The following PLCH2 variants were observed in gnomAD, a reference collection of about 807,000 sequenced individuals.
PLCH2 encodes the protein 1-phosphatidylinositol 4,5-bisphosphate phosphodiesterase eta-2.
PLCH2 carries 98 observed loss-of-function variants against 134.7 expected under a neutral mutation model. The ratio of observed to expected loss-of-function variants is 0.73; its 90% CI spans 0.62 to 0.86. The LOEUF (loss-of-function observed/expected upper bound fraction) is 0.86, where lower values mean the gene tolerates loss of function less well. Among genes scored for constraint, PLCH2 ranks in the 40% least tolerant of loss-of-function variants. PLCH2 has a pLI of 0.00. For missense variants in PLCH2, 1,994 were observed against 1,986.6 expected (o/e 1.00, Z -0.07); for synonymous variants, 974 against 827.5 (o/e 1.18, Z -3.04).
At chr1:2,421,101 C>T (rs111685018), upstream of PLCH2, among the ~76,000 whole-genome samples, 3,330 of 152,210 alleles carry the variant, frequency 0.022, 125 homozygotes, top group African/African-American at 0.076. Context: ...TGCGCCACCA[C>T]GCCTGGCTAA....
At position 2,439,103 on chromosome 1, in the gene PLCH2, T is replaced by G. The variant is rs924370912; in HGVS notation, c.115+8474T>G. Among the ~76,000 whole-genome samples, 2 of 152,214 alleles carry G rather than the reference T, an allele frequency of 1.3e-5. No individual in the cohort carries two copies. The highest frequency in any genetic ancestry group is 2.9e-5 in the Non-Finnish European group (2 of 68,030). On this transcript the variant is annotated intron_variant, in intron 2 of 3. Transcript: ENST00000609981. This position sits in a 1 kb window ranked among gnomAD's most constrained non-coding sequence, Gnocchi z 4.7. ...AATATCTCCCTTGCCAATGAGAAAC[T>G]GTTTCAAGGCAGGATACCATGTCTC...
chr1:2,462,871 G>A (rs568601727), upstream of PLCH2, among the ~76,000 whole-genome samples: 1 of 152,316 alleles, frequency 6.6e-6, no homozygotes, highest in South Asian at 2.1e-4. Flanking sequence ...GGGGTGGTGG[G>A]GGTGGATCTG....
chr1:2,419,440 C>T, the PLCH2 span, among the ~76,000 whole-genome samples: 3 of 152,082 alleles, frequency 2.0e-5, no homozygotes, highest in Non-Finnish European at 1.5e-5. Context: ...GGCGCCTGTG[C>T]GGAGCTGGTC....
At position 2,479,927 on chromosome 1, in the gene PLCH2, C is replaced by T. The variant is rs760192932; in HGVS notation, c.465C>T (p.Ala155=). The T allele has an allele frequency of 3.0e-5, 49 of 1,609,828 alleles. No homozygotes were observed. The highest frequency in any genetic ancestry group is 6.7e-5 in the African/African-American group (5 of 74,894). The change falls in exon 3 of 22, where the codon GCC becomes GCT. Residue 155 remains alanine, a synonymous_variant. Coordinates refer to ENST00000378486, the MANE Select transcript of PLCH2 (RefSeq NM_014638.4). ...TWVTGLRYLM[A]GISDEDSLAR... Reference sequence around the variant, plus strand: ...TCACTGGCCTGCGCTACCTCATGGCCGGCATCAGCGACGAGGACAGCCTGG... The same window carrying T: ...TCACTGGCCTGCGCTACCTCATGGCTGGCATCAGCGACGAGGACAGCCTGG...
chr1:2,497,732 C>A lies in PLCH2; in HGVS notation c.2224+123C>A, dbSNP rs142531410. On this transcript the variant is annotated intron_variant, in intron 16 of 21. Coordinates refer to ENST00000378486, the MANE Select transcript of PLCH2 (RefSeq NM_014638.4). The stretch of plus-strand genomic sequence containing the variant: ...GGGGTGGGGGCGGCTTTGGCAGAGT[C>A]CCCTGGAGGGTCAGGTTGGGACGAA... 115 of 667,198 alleles carry A rather than the reference C, an allele frequency of 1.7e-4. No homozygotes were observed. In the African/African-American group the frequency reaches 1.8e-3, roughly 10 times the overall value. The allele number at this position is 667,198 out of a possible 1,614,324, so 41.3% of individuals were successfully genotyped here.
chr1:2,504,327 C>A lies in PLCH2; in HGVS notation c.3365C>A (p.Ser1122Tyr), dbSNP rs775746279. Reference protein sequence around the residue: ...AAPFPAPAVYSDATGSDPLWQ... With the variant: ...AAPFPAPAVYYDATGSDPLWQ... ...CCCTTTCCAGCTCCTGCCGTGTACT[C>A]CGATGCCACGGGCAGTGACCCGCTG... Residue 1122 changes from serine to tyrosine, a missense_variant, in exon 22 of 22, where the codon TCC (serine) becomes TAC (tyrosine). Coordinates refer to ENST00000378486, the MANE Select transcript of PLCH2 (RefSeq NM_014638.4). 5.0e-6 allele frequency: 8 copies of A among 1,609,852 alleles called. No individual in the cohort carries two copies. The highest frequency in any genetic ancestry group is 6.8e-6 in the Non-Finnish European group (8 of 1,179,028).
At chr1:2,491,397 G>A in intron 11 of PLCH2, 62 bp downstream of exon 11, 5 of 1,559,498 alleles carry the variant, frequency 3.2e-6, no homozygotes, top group Non-Finnish European at 4.4e-6. Context: ...CAGCCTGTGG[G>A]CCAGCCAGGG....
In PLCH2 at chr1:2,491,326, C is replaced by G. The variant is rs750801622; in HGVS notation, c.1650C>G (p.Leu550=). 6.2e-7 allele frequency: 1 copy of G among 1,612,758 alleles called. No individual in the cohort carries two copies. The highest frequency in any genetic ancestry group is 2.2e-5 in the East Asian group (1 of 44,878). The part of the protein sequence containing the change: ...SVSTLSPSGK[L]GRKSKAEEDV... ...CCACACTGTCCCCATCTGGAAAGCT[C>G]GGACGCAAGGTAGAGGCCAAAAAGG... Residue 550 remains leucine (L), a synonymous_variant, in exon 11 of 22, where the codon CTC becomes CTG. Transcript: ENST00000378486.
chr1:2,444,047 G>A lies in PLCH2; in HGVS notation c.115+13418G>A, dbSNP rs564504535. On this transcript the variant is annotated intron_variant, in intron 2 of 3. Coordinates refer to the PLCH2 transcript ENST00000609981. The surrounding 1 kb of genome is among the most constrained non-coding windows in gnomAD (Gnocchi z 4.6). ...GGACGCGCGGGGGCGCCGCAGCCCT[G>A]GTGCGGGTCGGGGCTGAGCCGCCTG... Among the ~76,000 whole-genome samples the A allele has an allele frequency of 1.4e-4, 21 of 152,294 alleles. No individual in the cohort carries two copies. Among genetic ancestry groups the A allele is most frequent in the African/African-American group, 4.8e-4 (20 of 41,574 alleles).
chr1:2,481,054 A>C (rs1641942642), intron 4 of PLCH2, among the ~76,000 whole-genome samples: 1 of 152,166 alleles, frequency 6.6e-6, no homozygotes, highest in African/African-American at 2.4e-5. Flanking sequence ...AAATACACGC[A>C]CACACGTGCA....
Position 2,505,371 on chromosome 1 carries a change from G to T in PLCH2, c.*158G>T, listed in dbSNP as rs1643487379. The stretch of plus-strand genomic sequence containing the variant: ...CCTCCCTCCTGCCCCTGCTCCCGGG[G>T]AGGAAAGGCTAAAGCTGCTGGCCCG... On this transcript the variant is annotated 3_prime_UTR_variant, in exon 22 of 22. Transcript: ENST00000378486. 1.6e-6 allele frequency: 1 copy of T among 616,252 alleles called. No individual in the cohort carries two copies. The highest frequency in any genetic ancestry group is 2.8e-6 in the Non-Finnish European group (1 of 361,036). 38.2% of individuals were successfully genotyped at this position (616,252 alleles called of 1,614,324 possible).
At chr1:2,490,742 G>A (rs1291313498) in intron 10 of PLCH2, among the ~76,000 whole-genome samples, 3 of 152,206 alleles carry the variant, frequency 2.0e-5, no homozygotes, top group South Asian at 2.1e-4. Flanking sequence ...CTGGCACCAG[G>A]GGCGTCTGAC....
rs760323594 is a variant in PLCH2 at position 2,484,474 on chromosome 1, G to T, written c.672G>T (p.Gly224=). The change falls in exon 5 of 22, where the codon GGG becomes GGT. Residue 224 remains glycine (G), a synonymous_variant. Coordinates refer to ENST00000378486, the MANE Select transcript of PLCH2 (RefSeq NM_014638.4). ...AAGCGGACACGGATGACCACCAAGG[G>T]ACGCTGGGTTTTGAAGAGTTCTGTG... ...FREADTDDHQ[G]TLGFEEFCAF... is the part of the protein sequence containing the mutation. 5.0e-6 allele frequency: 8 copies of T among 1,613,166 alleles called. No homozygotes were observed. The highest frequency in any genetic ancestry group is 1.6e-4 in the Middle Eastern group (1 of 6,082).
chr1:2,466,288 G>A (rs544447052), upstream of PLCH2, among the ~76,000 whole-genome samples: 11 of 152,312 alleles, frequency 7.2e-5, no homozygotes, highest in East Asian at 1.2e-3. Context: ...CGAATGGGTC[G>A]TGAGAGAGAC....
intron 2 of PLCH2, among the ~76,000 whole-genome samples, chr1:2,434,446 T>A (rs4648841): frequency 0.5 from 75,748 of 152,180 alleles, 20,111 homozygotes; most frequent in East Asian, 0.83. Flanking sequence ...ATCTGTCTCC[T>A]CAGCTGTATC....
At position 2,504,625 on chromosome 1, in the gene PLCH2, C is replaced by A. The variant is rs751204660; in HGVS notation, c.3663C>A (p.Pro1221=). The change falls in exon 22 of 22, where the codon CCC becomes CCA. Residue 1221 remains proline, a synonymous_variant. Coordinates refer to ENST00000378486, the MANE Select transcript of PLCH2 (RefSeq NM_014638.4). ...QRPPIPDELQ[P]RSLAPRMAGL... ...CTCCCATACCTGACGAACTGCAGCC[C>A]AGGTCCCTGGCCCCAAGGATGGCTG... 3.7e-6 allele frequency: 6 copies of A among 1,612,620 alleles called. No homozygotes were observed. Among genetic ancestry groups the A allele is most frequent in the Non-Finnish European group, 5.1e-6 (6 of 1,179,826 alleles).
intron 3 of PLCH2, 82 bp downstream of exon 3, chr1:2,480,059 C>G: frequency 6.3e-7 from 1 of 1,579,082 alleles, no homozygotes; most frequent in Non-Finnish European, 8.6e-7. Context: ...TGTCCTTTGC[C>G]GGGTCACACA....
At position 2,499,345 on chromosome 1, in the gene PLCH2, AGAGACAG is replaced by A. The variant is rs1643082874; in HGVS notation, c.2581+119_2581+125del. The A allele has an allele frequency of 4.8e-6, 6 of 1,258,264 alleles. No individual in the cohort carries two copies. The East Asian group carries it at 1.5e-4, about 32-fold the overall frequency. The allele number at this position is 1,258,264 out of a possible 1,614,324, so 77.9% of individuals were successfully genotyped here. Reference sequence around the variant, plus strand: ...TAGGTGGGCCTGCACCTGGCACCAAAGAGACAGGAGCTGAGGACGGGAGGAGAGCCAG... The same window carrying A: ...TAGGTGGGCCTGCACCTGGCACCAAAGAGCTGAGGACGGGAGGAGAGCCAG... On this transcript the variant is annotated intron_variant, in intron 19 of 21. Transcript: ENST00000378486.
chr1:2,476,495 C>A lies in PLCH2; in HGVS notation c.-94C>A. ...AGAGGAGAGAAGGCCCCACGGAGGTCCTGTCGCCAGCGCTGCCACTGCCTG... is the reference window on the plus strand; with the variant it reads ...AGAGGAGAGAAGGCCCCACGGAGGTACTGTCGCCAGCGCTGCCACTGCCTG... On this transcript the variant is annotated 5_prime_UTR_variant, in exon 1 of 22. Coordinates refer to ENST00000378486, the MANE Select transcript of PLCH2 (RefSeq NM_014638.4). 1.6e-6 allele frequency: 2 copies of A among 1,240,176 alleles called. No homozygotes were observed. Among genetic ancestry groups the A allele is most frequent in the Non-Finnish European group, 2.2e-6 (2 of 927,506 alleles). 76.8% of individuals were successfully genotyped at this position (1,240,176 alleles called of 1,614,324 possible). A position where few individuals can be genotyped will look rare whatever the true frequency, so the allele number is the denominator to read the frequency against.
Sources: allele counts gnomAD v4.1 joint callset (sites outside exome capture counted in the v4.1 genomes callset), GRCh38; gene constraint gnomAD v4.1.1; non-coding constraint Gnocchi (gnomAD v3.1); transcripts MANE v1.5; gene names NCBI Gene and HGNC (gene_info 2026-07-23, HGNC 2026-07-21).